Variants in STK35 observed in about 807,000 individuals in gnomAD.
STK35 encodes serine/threonine kinase 35.
Under a neutral mutation model 37.3 loss-of-function variants are expected in STK35, and 17 were observed. The observed-to-expected ratio is 0.46, with a 90% CI of 0.31 to 0.68. The LOEUF is 0.68. Ranked by LOEUF, STK35 falls within the 30% of genes least tolerant of loss-of-function variation. The pLI is 0.05. For missense variants in STK35, 595 were observed against 746.7 expected, an observed-to-expected ratio of 0.80 and a Z score of 2.37; for synonymous variants, 385 against 319.1, an observed-to-expected ratio of 1.21 and a Z score of -2.20.
chr20:2,102,245 G>C, intron 1 of STK35, 70 bp downstream of exon 1: 1 of 1,384,516 alleles, frequency 7.2e-7, no homozygotes, highest in Non-Finnish European at 9.3e-7. Context: ...TCCGCGCTTG[G>C]GAAGGGAAAT....
intron 2 of STK35, among the ~76,000 whole-genome samples, chr20:2,112,045 G>C (rs781414903): frequency 6.6e-5 from 10 of 152,236 alleles, no homozygotes; most frequent in Non-Finnish European, 1.5e-4. Flanking sequence ...GGGCAGGGAT[G>C]CCCCTCAGCT....
At chr20:2,134,278 G>A (rs1349725169) in intron 3 of STK35, among the ~76,000 whole-genome samples, 13 of 122,912 alleles carry the variant, frequency 1.1e-4, no homozygotes, top group African/African-American at 2.4e-4. Context: ...AAAAAAAAAA[G>A]ATGGGGCGGG....
chr20:2,133,795 A>T (rs1050502784), intron 3 of STK35, among the ~76,000 whole-genome samples: 1 of 152,214 alleles, frequency 6.6e-6, no homozygotes, highest in East Asian at 1.9e-4. Flanking sequence ...GTTTAAAACA[A>T]TATTAAGCAA....
chr20:2,104,155 C>T (rs1467854426), intron 2 of STK35, among the ~76,000 whole-genome samples: 1 of 152,154 alleles, frequency 6.6e-6, no homozygotes, highest in Non-Finnish European at 1.5e-5. Flanking sequence ...ATCTTAGTTT[C>T]CGGGTTTTAA....
intron 3 of STK35, among the ~76,000 whole-genome samples, chr20:2,129,736 C>T (rs1159705822): frequency 6.6e-6 from 1 of 151,978 alleles, no homozygotes; most frequent in Admixed American, 6.6e-5. Flanking sequence ...GAGGACCTGC[C>T]CAAGGCGGTC....
rs114525070 is a variant in STK35 at position 2,107,203 on chromosome 20, G to C, written c.892+3838G>C. Among the ~76,000 whole-genome samples, 1,318 of 152,336 alleles carry C rather than the reference G, an allele frequency of 8.7e-3. 20 individuals carry two copies. Among genetic ancestry groups the C allele is most frequent in the African/African-American group, 0.03 (1,230 of 41,574 alleles). ...GGCAAGCCTGAGTCACTGTCAGTCA[G>C]AAATTCTGTTGCTTTGTCTAAGGCA... On this transcript the variant is annotated intron_variant, in intron 2 of 3. Coordinates refer to ENST00000381482, the MANE Select transcript of STK35 (RefSeq NM_080836.4).
chr20:2,120,729 TA>T (rs1298559433), intron 3 of STK35, among the ~76,000 whole-genome samples: 1 of 152,234 alleles, frequency 6.6e-6, no homozygotes, highest in African/African-American at 2.4e-5. Flanking sequence ...TAGACACAGA[TA>T]ATACATCGGT....
rs1237877751 is a variant in STK35 at position 2,117,543 on chromosome 20, C to G, written c.*37+128C>G. ...CACTGCAACCTCCACCTCCCGAGTT[C>G]AAGTGATTCTCGTGCCTCAGCCACC... is the stretch of plus-strand genomic sequence containing the variant. On this transcript the variant is annotated intron_variant, in intron 3 of 3. Transcript: ENST00000381482. This position sits in a 1 kb window ranked among gnomAD's most constrained non-coding sequence, Gnocchi z 4.4. 2.5e-5 allele frequency: 14 copies of G among 553,292 alleles called. No homozygotes were observed. In the South Asian group the frequency reaches 4.0e-4, roughly 16 times the overall value. The allele number at this position is 553,292 out of a possible 1,614,324, so 34.3% of individuals were successfully genotyped here. A position where few individuals can be genotyped will look rare whatever the true frequency, so the allele number is the denominator to read the frequency against.
intron 2 of STK35, among the ~76,000 whole-genome samples, chr20:2,108,074 A>C (rs1460927914): frequency 6.6e-6 from 1 of 152,248 alleles, no homozygotes; most frequent in Non-Finnish European, 1.5e-5. Context: ...CAAGTAACCA[A>C]GTCAGGATTC....
At chr20:2,140,198 G>C (rs1292222914) in intron 3 of STK35, among the ~76,000 whole-genome samples, 10 of 152,188 alleles carry the variant, frequency 6.6e-5, no homozygotes, top group Non-Finnish European at 1.3e-4. Flanking sequence ...ATTATGCTTA[G>C]CAGGTGTGAT....
At chr20:2,109,468 TCAC>T (rs1258838444) in intron 2 of STK35, among the ~76,000 whole-genome samples, 2 of 152,244 alleles carry the variant, frequency 1.3e-5, no homozygotes, top group Non-Finnish European at 1.5e-5. Flanking sequence ...CATTTAATCA[TCAC>T]CACTGTAAAG....
chr20:2,119,127 A>C (rs191061905), intron 3 of STK35, among the ~76,000 whole-genome samples: 7 of 152,224 alleles, frequency 4.6e-5, no homozygotes, highest in Admixed American at 6.5e-5. Flanking sequence ...ACTTGGTTTC[A>C]TGTGTAGTAT....
chr20:2,114,666 T>G (rs989111109), intron 2 of STK35, among the ~76,000 whole-genome samples: 1 of 152,122 alleles, frequency 6.6e-6, no homozygotes, highest in Admixed American at 6.5e-5. Context: ...CTCACAAACT[T>G]TGGGTTCTTT....
At chr20:2,140,343 C>G (rs574105777) in intron 3 of STK35, among the ~76,000 whole-genome samples, 40 of 152,240 alleles carry the variant, frequency 2.6e-4, no homozygotes, top group African/African-American at 9.1e-4. Context: ...GTGGCATCTG[C>G]TAGGATGAAG....
intron 3 of STK35, among the ~76,000 whole-genome samples, chr20:2,125,285 G>A (rs528488644): frequency 2.0e-5 from 3 of 152,272 alleles, no homozygotes; most frequent in East Asian, 1.9e-4. Flanking sequence ...TGCTCTGAGG[G>A]ACCCCTTGAC....
In STK35 at chr20:2,111,649, G is replaced by C. The variant is rs1042781584; in HGVS notation, c.893-5017G>C. On this transcript the variant is annotated intron_variant, in intron 2 of 3. Transcript: ENST00000381482. ...GCCCAGAAGGTAGAGGCAGCAGTGA[G>C]CTGTGATTGGCTGCACTCTGGCCTG... 9.2e-5 allele frequency among the ~76,000 whole-genome samples: 14 copies of C among 152,346 alleles called. No individual in the cohort carries two copies. In the East Asian group the frequency reaches 2.5e-3, roughly 27 times the overall value.
intron 3 of STK35, among the ~76,000 whole-genome samples, chr20:2,128,647 C>G (rs2122570614): frequency 6.6e-6 from 1 of 152,242 alleles, no homozygotes; most frequent in African/African-American, 2.4e-5. Context: ...GGGAAGTGGA[C>G]TTCTGAGCCA....
intron 3 of STK35, among the ~76,000 whole-genome samples, chr20:2,125,346 C>T (rs1394344100): frequency 6.6e-6 from 1 of 152,176 alleles, no homozygotes; most frequent in Non-Finnish European, 1.5e-5. Flanking sequence ...GAATTAAGCA[C>T]TTTACATGTA....
chr20:2,148,334 T>C lies in STK35; in HGVS notation c.*4588T>C, dbSNP rs1001350323. On this transcript the variant is annotated 3_prime_UTR_variant, in exon 4 of 4. Transcript: ENST00000381482. ...AATCTATTTTTCTTCATTTCCTTTT[T>C]TTGCACAGAAGCTGGTAATCTAGGA... 1.3e-5 allele frequency: 2 copies of C among 152,678 alleles called. No individual in the cohort carries two copies. The highest frequency in any genetic ancestry group is 2.9e-5 in the Non-Finnish European group (2 of 68,046). 9.5% of individuals were successfully genotyped at this position (152,678 alleles called of 1,614,324 possible).
Sources: gnomAD v4.1 joint callset for allele counts (sites outside exome capture counted in the v4.1 genomes callset) on GRCh38, gnomAD v4.1.1 for gene constraint, Gnocchi (gnomAD v3.1) non-coding constraint, MANE v1.5 for transcripts, NCBI Gene and HGNC (gene_info 2026-07-23, HGNC 2026-07-21) for gene names.